The following ADAMTSL1 variants were observed in gnomAD, a reference collection of about 807,000 sequenced individuals.
ADAMTSL1 encodes the protein ADAMTS-like protein 1.
Under a neutral mutation model 201.8 loss-of-function variants are expected in ADAMTSL1, and 126 were observed. The ratio of observed to expected loss-of-function variants is 0.62; its 90% CI spans 0.54 to 0.72. The LOEUF (loss-of-function observed/expected upper bound fraction) is 0.72. ADAMTSL1 is among the 30% of genes least tolerant of loss of function. ADAMTSL1 has a pLI of 0.00. For missense variants in ADAMTSL1, 2,679 were observed against 2,277.8 expected (o/e 1.18, Z -3.59); for synonymous variants, 1,121 against 903.4 (o/e 1.24, Z -4.32).
intron 1 of ADAMTSL1, among the ~76,000 whole-genome samples, chr9:18,022,341 C>T (rs1423727151): frequency 6.6e-6 from 1 of 152,126 alleles, no homozygotes; most frequent in African/African-American, 2.4e-5. Context: ...AGCTGCTGTC[C>T]TGTATTGTTC....
At chr9:18,143,716 T>G (rs2132015926) in intron 1 of ADAMTSL1, among the ~76,000 whole-genome samples, 1 of 152,334 alleles carries the variant, frequency 6.6e-6, no homozygotes, top group Admixed American at 6.5e-5. Context: ...TCACCTTTTG[T>G]TTCTTTTATC....
intron 2 of ADAMTSL1, among the ~76,000 whole-genome samples, chr9:18,323,479 A>C (rs1174004004): frequency 3.3e-5 from 5 of 152,190 alleles, no homozygotes; most frequent in Admixed American, 3.3e-4. Flanking sequence ...AGAGCAAATC[A>C]AGGATGTTTG....
At chr9:18,291,512 C>G (rs1335007585) in intron 2 of ADAMTSL1, among the ~76,000 whole-genome samples, 2 of 152,062 alleles carry the variant, frequency 1.3e-5, no homozygotes, top group Non-Finnish European at 1.5e-5. Context: ...TCTTGAAACA[C>G]CTACTTTAGC....
chr9:18,003,127 TAG>T (rs2131536346), intron 1 of ADAMTSL1, among the ~76,000 whole-genome samples: 1 of 152,046 alleles, frequency 6.6e-6, no homozygotes, highest in South Asian at 2.1e-4. Flanking sequence ...AGGCTGTGGG[TAG>T]AGAGCCCTAA....
At chr9:18,576,127 T>C (rs1427871366) in intron 4 of ADAMTSL1, among the ~76,000 whole-genome samples, 3 of 152,130 alleles carry the variant, frequency 2.0e-5, no homozygotes, top group Non-Finnish European at 4.4e-5. Flanking sequence ...AAATACGGTA[T>C]AATTTGTAAA....
chr9:18,354,057 A>ATG (rs1455742557), intron 2 of ADAMTSL1, among the ~76,000 whole-genome samples: 1 of 147,976 alleles, frequency 6.8e-6, no homozygotes, highest in Non-Finnish European at 1.5e-5. Context: ...ACATATATAT[A>ATG]TATATATATA....
chr9:18,159,028 T>A (rs1325915592), intron 1 of ADAMTSL1, among the ~76,000 whole-genome samples: 1 of 152,072 alleles, frequency 6.6e-6, no homozygotes. Context: ...ATGTTCTACT[T>A]GTGCCAAGCA....
intron 23 of ADAMTSL1, among the ~76,000 whole-genome samples, chr9:18,865,264 C>T (rs1827455487): frequency 6.6e-6 from 1 of 150,960 alleles, no homozygotes; most frequent in South Asian, 2.1e-4. Context: ...TTGTTCAATT[C>T]CCACCTATGA....
chr9:18,469,914 A>G (rs981750065), upstream of ADAMTSL1, among the ~76,000 whole-genome samples: 2 of 152,246 alleles, frequency 1.3e-5, no homozygotes, highest in Admixed American at 6.5e-5. Context: ...ACTGGTTGGG[A>G]TGAAGGACTG....
intron 21 of ADAMTSL1, among the ~76,000 whole-genome samples, chr9:18,820,683 G>A (rs1359989490): frequency 6.6e-6 from 1 of 152,186 alleles, no homozygotes; most frequent in African/African-American, 2.4e-5. Context: ...TTGCGTACAT[G>A]TGCTTTCAGC....
intron 1 of ADAMTSL1, among the ~76,000 whole-genome samples, chr9:17,982,955 A>T: frequency 6.6e-6 from 1 of 151,900 alleles, no homozygotes; most frequent in Non-Finnish European, 1.5e-5. Context: ...GGAAAAAAAA[A>T]TCATCCTCAG....
At chr9:18,088,253 G>C (rs182116614) in intron 1 of ADAMTSL1, among the ~76,000 whole-genome samples, 1 of 152,246 alleles carries the variant, frequency 6.6e-6, no homozygotes, top group Admixed American at 6.5e-5. Context: ...ACTTTAAGTA[G>C]ATTAAATACT....
chr9:18,895,438 CCA>C (rs147076116), intron 26 of ADAMTSL1, among the ~76,000 whole-genome samples: 17,506 of 99,872 alleles, frequency 0.18, 1,034 homozygotes, highest in African/African-American at 0.29. Context: ...CCCCCTCCCC[CCA>C]ATGTGGCATG....
rs202141338 is a variant in ADAMTSL1 at position 18,753,308 on chromosome 9, G to A, written c.2017G>A (p.Gly673Ser). 517 of 1,611,096 alleles carry A rather than the reference G, an allele frequency of 3.2e-4. No individual in the cohort carries two copies. Among genetic ancestry groups the A allele is most frequent in the Non-Finnish European group, 4.2e-4 (495 of 1,178,844 alleles). The change falls in exon 16 of 29, where the codon GGC (glycine) becomes AGC (serine). Residue 673 changes from glycine (G) to serine (S), a missense_variant. Physicochemically the swap from Gly to Ser is moderately conservative, Grantham distance 56. Coordinates refer to ENST00000380548, the MANE Select transcript of ADAMTSL1 (RefSeq NM_001040272.6). ...CTGATTTCTTCTCAGGTGGGAAATT[G>A]GCAAGTGGAGTCCATGTAGTCTCAC... is the stretch of plus-strand genomic sequence containing the variant. Reference protein sequence around the residue: ...LDPCPARWEIGKWSPCSLTCG... With the variant: ...LDPCPARWEISKWSPCSLTCG...
intron 2 of ADAMTSL1, among the ~76,000 whole-genome samples, chr9:18,215,664 G>A (rs1830031394): frequency 6.6e-6 from 1 of 152,126 alleles, no homozygotes; most frequent in Admixed American, 6.5e-5. Context: ...TATTAGCTTG[G>A]CTTATAACTT....
At chr9:18,107,459 A>G (rs1017290813) in intron 1 of ADAMTSL1, among the ~76,000 whole-genome samples, 2 of 152,196 alleles carry the variant, frequency 1.3e-5, no homozygotes, top group South Asian at 2.1e-4. Context: ...GACAGACACT[A>G]TTAAATGAGA....
chr9:18,194,703 A>G (rs1587282174), intron 2 of ADAMTSL1, among the ~76,000 whole-genome samples: 1 of 152,116 alleles, frequency 6.6e-6, no homozygotes, highest in African/African-American at 2.4e-5. Context: ...TGATATTTGT[A>G]GAACCCCAGT....
intron 1 of ADAMTSL1, among the ~76,000 whole-genome samples, chr9:18,496,763 G>A (rs1014174415): frequency 6.6e-6 from 1 of 152,172 alleles, no homozygotes; most frequent in East Asian, 1.9e-4. Context: ...GCTTTCCAGA[G>A]CCTCAGATGT....
intron 15 of ADAMTSL1, among the ~76,000 whole-genome samples, chr9:18,727,329 C>G (rs1366770055): frequency 1.3e-5 from 2 of 152,226 alleles, no homozygotes; most frequent in Non-Finnish European, 2.9e-5. Context: ...TTGGCTCTGT[C>G]CACACTAACT....
Sources: gnomAD v4.1 joint callset for allele counts (sites outside exome capture counted in the v4.1 genomes callset) on GRCh38, gnomAD v4.1.1 for gene constraint, MANE v1.5 for transcripts, NCBI Gene and HGNC (gene_info 2026-07-23, HGNC 2026-07-21) for gene names.